FGF13: variants seen among roughly 807,000 people sequenced by gnomAD.
FGF13 encodes the protein fibroblast growth factor homologous factor 2.
FGF13 carries 2 observed loss-of-function variants against 19.5 expected under a neutral mutation model. That is an observed-to-expected ratio of 0.10 (90% CI 0.04 to 0.32). The LOEUF is 0.32. Among genes scored for constraint, FGF13 ranks in the 10% least tolerant of loss-of-function variants. FGF13 has a pLI of 1.00. For missense variants in FGF13, 113 were observed against 192.7 expected (o/e 0.59, Z 2.45); for synonymous variants, 72 against 76.9 (o/e 0.94, Z 0.33).
chrX:138,674,418 G>A (rs748506693), intron 3 of FGF13, among the ~76,000 whole-genome samples: 2 of 111,376 alleles, frequency 1.8e-5, no homozygotes, highest in African/African-American at 6.5e-5. Context: ...GCACAGATGT[G>A]GATTGAACAA....
At chrX:139,172,676 A>G (rs1314102640) in intron 1 of FGF13, among the ~76,000 whole-genome samples, 2 of 112,099 alleles carry the variant, frequency 1.8e-5, no homozygotes, top group Non-Finnish European at 3.8e-5. Context: ...ACCAAACCCT[A>G]TGGCAGAACT....
At chrX:139,190,910 C>T (rs903964609) in intron 1 of FGF13, among the ~76,000 whole-genome samples, 1 of 111,992 alleles carries the variant, frequency 8.9e-6, no homozygotes, top group Non-Finnish European at 1.9e-5. Context: ...TCTTTTTAAT[C>T]AAGTAGTCCT....
chrX:138,767,423 G>A (rs2090510519), intron 3 of FGF13, among the ~76,000 whole-genome samples: 1 of 111,412 alleles, frequency 9.0e-6, no homozygotes, highest in African/African-American at 3.3e-5. Context: ...TACCCAGGAG[G>A]TCTAGGATGT....
intron 1 of FGF13, among the ~76,000 whole-genome samples, chrX:138,935,237 G>T (rs1816790919): frequency 9.0e-6 from 1 of 111,478 alleles, no homozygotes; most frequent in South Asian, 3.8e-4. Context: ...CTACAGTCAT[G>T]TCAAATACTG....
At chrX:138,972,056 T>TTTTGTGTGTG (rs1556316125) in intron 1 of FGF13, among the ~76,000 whole-genome samples, 1 of 94,965 alleles carries the variant, frequency 1.1e-5, no homozygotes. Flanking sequence ...TAGTATTCTA[T>TTTTGTGTGTG]TGTGTGTGTG....
chrX:138,692,972 A>C (rs2089854345), intron 3 of FGF13, among the ~76,000 whole-genome samples: 1 of 111,095 alleles, frequency 9.0e-6, no homozygotes, highest in Non-Finnish European at 1.9e-5. Flanking sequence ...ATTTAGCTAC[A>C]ACCAATAGTC....
chrX:138,850,225 G>A (rs1386026027), intron 3 of FGF13, among the ~76,000 whole-genome samples: 1 of 111,768 alleles, frequency 8.9e-6, no homozygotes, highest in Non-Finnish European at 1.9e-5. Context: ...AATGATAAAT[G>A]TCCATCTTAT....
At chrX:138,697,071 C>T (rs770729045) in intron 3 of FGF13, among the ~76,000 whole-genome samples, 2 of 111,893 alleles carry the variant, frequency 1.8e-5, no homozygotes, top group South Asian at 7.4e-4. Context: ...AAAAACCAAG[C>T]TAAATGCATT....
intron 3 of FGF13, among the ~76,000 whole-genome samples, chrX:138,776,588 C>T (rs972156704): frequency 2.7e-5 from 3 of 111,961 alleles, no homozygotes; most frequent in African/African-American, 9.7e-5. Flanking sequence ...TGTAAAACAT[C>T]GAGTTTGGGC....
At chrX:138,744,024 C>A (rs1424664052), upstream of FGF13, among the ~76,000 whole-genome samples, 2 of 111,390 alleles carry the variant, frequency 1.8e-5, no homozygotes, top group Non-Finnish European at 3.8e-5. Context: ...TGCTTGAAGT[C>A]TATCGCAATT....
intron 1 of FGF13, among the ~76,000 whole-genome samples, chrX:138,917,560 T>G (rs751531332): frequency 1.8e-5 from 2 of 112,176 alleles, no homozygotes; most frequent in South Asian, 7.4e-4. Context: ...CACTTCACTT[T>G]ACTTTTTGAG....
intron 1 of FGF13, among the ~76,000 whole-genome samples, chrX:138,947,297 A>C (rs771172449): frequency 3.6e-5 from 4 of 111,605 alleles, no homozygotes; most frequent in Non-Finnish European, 5.6e-5. Flanking sequence ...AGCAAAAAAA[A>C]ACTTTTTTTT....
intron 1 of FGF13, among the ~76,000 whole-genome samples, chrX:139,032,719 A>G (rs970537954): frequency 4.5e-5 from 5 of 110,294 alleles, no homozygotes; most frequent in African/African-American, 1.6e-4. Context: ...GCAAGGAAAA[A>G]CCAATGTATG....
At chrX:138,808,822 T>C (rs914548544) in intron 3 of FGF13, among the ~76,000 whole-genome samples, 1 of 112,006 alleles carries the variant, frequency 8.9e-6, no homozygotes, top group Non-Finnish European at 1.9e-5. Context: ...AACACCTCTA[T>C]GCAAATAAAC....
chrX:138,778,673 C>T (rs936969255), intron 3 of FGF13, among the ~76,000 whole-genome samples: 5 of 111,989 alleles, frequency 4.5e-5, no homozygotes, highest in South Asian at 3.8e-4. Flanking sequence ...GCTAGGCCCA[C>T]GGAGTCTCGC....
chrX:139,076,568 T>G (rs1603185060), intron 1 of FGF13, among the ~76,000 whole-genome samples: 1 of 112,269 alleles, frequency 8.9e-6, no homozygotes, highest in South Asian at 3.7e-4. Context: ...AATGAGCTGA[T>G]ATTTTCTCTT....
intron 1 of FGF13, among the ~76,000 whole-genome samples, chrX:138,990,777 G>A (rs939872628): frequency 8.9e-5 from 10 of 111,915 alleles, no homozygotes; most frequent in Non-Finnish European, 1.9e-5. Flanking sequence ...GAGACACACA[G>A]CCAAACCATA....
chrX:138,734,724 C>T (rs757952799), intron 1 of FGF13, among the ~76,000 whole-genome samples: 1 of 111,917 alleles, frequency 8.9e-6, no homozygotes, highest in African/African-American at 3.2e-5. Context: ...TAGTCCTCTG[C>T]TGCTTTTGTG....
rs984336483 is a variant in FGF13, at chrX:138,658,330, C to T, written c.403-22675G>A. Among the ~76,000 whole-genome samples the T allele has an allele frequency of 2.7e-5, 3 of 112,451 alleles. No homozygotes were observed. In the South Asian group the frequency reaches 1.1e-3, roughly 41 times the overall value. On this transcript the variant is annotated intron_variant, in intron 3 of 4. Coordinates refer to ENST00000315930, the MANE Select transcript of FGF13 (RefSeq NM_004114.5). ...ACAGAAATTGCCTTCACTACAACAG[C>T]TATCAGCTAGACTGCCTAGCACATG... is the stretch of plus-strand genomic sequence containing the variant.
Sources: gnomAD v4.1 joint callset for allele counts (sites outside exome capture counted in the v4.1 genomes callset) on GRCh38, gnomAD v4.1.1 for gene constraint, MANE v1.5 for transcripts, NCBI Gene and HGNC (gene_info 2026-07-23, HGNC 2026-07-21) for gene names.